GRIA4: variants seen among roughly 807,000 people sequenced by gnomAD.
GRIA4 encodes the protein glutamate ionotropic receptor AMPA type subunit 4.
A neutral mutation model predicts 104.0 loss-of-function variants in GRIA4; 34 were observed. The observed-to-expected ratio is 0.33, with a 90% CI of 0.25 to 0.44. The LOEUF is 0.44. GRIA4 is among the 20% of genes least tolerant of loss of function. The probability of loss-of-function intolerance (pLI) is 1.00; values close to 1 mark genes in which losing one functional copy is unlikely to be tolerated. For missense variants in GRIA4, 750 were observed against 1,096.5 expected, an observed-to-expected ratio of 0.68 and a Z score of 4.46; for synonymous variants, 386 against 381.9, an observed-to-expected ratio of 1.01 and a Z score of -0.13.
At position 105,657,947 on chromosome 11, in the gene GRIA4, T is replaced by C. The variant is rs114873477; in HGVS notation, c.247+45513T>C. ...TAAAAATGTCCTAAAATATAAAGTG[T>C]ATTTTAAAATTTTATATTTTATTAT... On this transcript the variant is annotated intron_variant, in intron 3 of 16. Transcript: ENST00000282499. Among the ~76,000 whole-genome samples, 1,111 of 151,936 alleles carry C rather than the reference T, an allele frequency of 7.3e-3. 14 individuals carry two copies. Among genetic ancestry groups the C allele is most frequent in the African/African-American group, 0.025 (1,042 of 41,542 alleles).
intron 6 of GRIA4, among the ~76,000 whole-genome samples, chr11:105,889,095 T>A (rs1048539675): frequency 6.6e-6 from 1 of 152,118 alleles, no homozygotes; most frequent in East Asian, 1.9e-4. Flanking sequence ...AACAATAGAA[T>A]TGAGGGGAAA....
Position 105,905,278 on chromosome 11 carries a change from C to T in GRIA4, c.1135C>T (p.Leu379=). Residue 379 remains leucine (L), a synonymous_variant, in exon 9 of 17, where the codon CTG becomes TTG. Coordinates refer to ENST00000282499, the MANE Select transcript of GRIA4 (RefSeq NM_000829.4). ...RVNYTMDVFE[L]KSTGPRKVGY... is the part of the protein sequence containing the mutation. ...CAATTACACAATGGATGTGTTTGAG[C>T]TGAAAAGCACAGGACCTAGAAAGGT... 6.3e-7 allele frequency: 1 copy of T among 1,590,694 alleles called. No homozygotes were observed. The highest frequency in any genetic ancestry group is 8.6e-7 in the Non-Finnish European group (1 of 1,158,924).
chr11:105,645,844 T>A (rs1205477358), intron 3 of GRIA4, among the ~76,000 whole-genome samples: 1 of 151,962 alleles, frequency 6.6e-6, no homozygotes, highest in Non-Finnish European at 1.5e-5. Context: ...GCAGAAAAAA[T>A]TTGCAGAAAT....
chr11:105,896,318 A>G (rs1946652084), intron 6 of GRIA4, among the ~76,000 whole-genome samples: 1 of 152,060 alleles, frequency 6.6e-6, no homozygotes, highest in African/African-American at 2.4e-5. Flanking sequence ...TAGATTCTAG[A>G]TATTAGTACT....
chr11:105,967,181 T>G (rs1426592932), intron 14 of GRIA4, among the ~76,000 whole-genome samples: 3 of 544 alleles, frequency 5.5e-3, no homozygotes, highest in Non-Finnish European at 0.037. Flanking sequence ...GTTTTCAAAT[T>G]TTTATTATCA....
chr11:105,968,677 T>C (rs570950906), intron 14 of GRIA4, among the ~76,000 whole-genome samples: 79 of 152,336 alleles, frequency 5.2e-4, no homozygotes, highest in African/African-American at 1.9e-3. Flanking sequence ...CCTTTGATGG[T>C]GTTCATATGA....
intron 3 of GRIA4, among the ~76,000 whole-genome samples, chr11:105,614,791 T>C (rs1165986278): frequency 6.6e-6 from 1 of 151,288 alleles, no homozygotes; most frequent in Admixed American, 6.6e-5. Context: ...TAGTCAAGAG[T>C]GTGGGTCAGG....
chr11:105,937,815 C>G (rs1247198274), intron 14 of GRIA4, among the ~76,000 whole-genome samples: 2 of 152,130 alleles, frequency 1.3e-5, no homozygotes, highest in East Asian at 1.9e-4. Context: ...TCCAATAGAA[C>G]TTGCTTCAGG....
At chr11:105,738,317 C>G (rs1939083730) in intron 3 of GRIA4, among the ~76,000 whole-genome samples, 1 of 152,120 alleles carries the variant, frequency 6.6e-6, no homozygotes. Flanking sequence ...TGTTTGCCTC[C>G]ATTCACTAGG....
At chr11:105,842,138 GC>G (rs1944418363) in intron 4 of GRIA4, among the ~76,000 whole-genome samples, 1 of 152,138 alleles carries the variant, frequency 6.6e-6, no homozygotes, top group South Asian at 2.1e-4. Flanking sequence ...CATGTGCAAT[GC>G]CCTAAGGAGA....
chr11:105,910,316 T>C, intron 9 of GRIA4, 119 bp from the exon 10 acceptor site: 1 of 618,220 alleles, frequency 1.6e-6, no homozygotes, highest in Non-Finnish European at 2.9e-6. Flanking sequence ...CTGTTGGCTT[T>C]TGTTTTGTTT....
chr11:105,859,678 G>T (rs1945147317), intron 4 of GRIA4, among the ~76,000 whole-genome samples: 1 of 151,976 alleles, frequency 6.6e-6, no homozygotes, highest in Non-Finnish European at 1.5e-5. Context: ...CCAGGGAGAA[G>T]ACTATTTCTA....
chr11:105,916,903 A>G (rs1947422384), intron 10 of GRIA4, among the ~76,000 whole-genome samples: 1 of 152,186 alleles, frequency 6.6e-6, no homozygotes, highest in Non-Finnish European at 1.5e-5. Context: ...TTTTGCATAT[A>G]TGTGGCTCTT....
intron 3 of GRIA4, among the ~76,000 whole-genome samples, chr11:105,654,661 A>G (rs985215190): frequency 6.6e-6 from 1 of 152,162 alleles, no homozygotes; most frequent in African/African-American, 2.4e-5. Flanking sequence ...CTACACCAAC[A>G]GGAGAATAAG....
intron 4 of GRIA4, among the ~76,000 whole-genome samples, chr11:105,786,654 GT>G (rs1941981330): frequency 6.6e-6 from 1 of 152,090 alleles, no homozygotes; most frequent in African/African-American, 2.4e-5. Flanking sequence ...CCCCAGAAAG[GT>G]TTTTTATTAA....
intron 3 of GRIA4, among the ~76,000 whole-genome samples, chr11:105,642,342 T>C (rs1193493591): frequency 6.6e-6 from 1 of 151,978 alleles, no homozygotes; most frequent in Admixed American, 6.6e-5. Flanking sequence ...AAATCCCTTA[T>C]TTATGAAACA....
At chr11:105,866,551 G>GTGTGTATATATA (rs1299256765) in intron 5 of GRIA4, among the ~76,000 whole-genome samples, 72 of 76,686 alleles carry the variant, frequency 9.4e-4, no homozygotes, top group Admixed American at 6.2e-3. Context: ...GTGTGTGTGT[G>GTGTGTATATATA]TATATATATA....
chr11:105,949,177 T>C (rs1948402875), intron 14 of GRIA4, among the ~76,000 whole-genome samples: 1 of 152,186 alleles, frequency 6.6e-6, no homozygotes, highest in South Asian at 2.1e-4. Flanking sequence ...CAGCCATTAT[T>C]CATAAAGATA....
chr11:105,976,880 A>G (rs1001625898), intron 16 of GRIA4, among the ~76,000 whole-genome samples: 3 of 152,038 alleles, frequency 2.0e-5, no homozygotes, highest in African/African-American at 7.2e-5. Flanking sequence ...GATACAGATG[A>G]TGTAAGTATA....
Sources: gnomAD v4.1 joint callset for allele counts (sites outside exome capture counted in the v4.1 genomes callset) on GRCh38, gnomAD v4.1.1 for gene constraint, MANE v1.5 for transcripts, NCBI Gene and HGNC (gene_info 2026-07-23, HGNC 2026-07-21) for gene names.